Variants in VPS37C observed in about 807,000 individuals in gnomAD.
VPS37C encodes VPS37C subunit of ESCRT-I, also known as vacuolar protein sorting-associated protein 37C.
VPS37C carries 9 observed loss-of-function variants against 16.1 expected under a neutral mutation model. The ratio of observed to expected loss-of-function variants is 0.56; its 90% CI spans 0.34 to 0.97. The LOEUF is 0.97. Among genes scored for constraint, VPS37C ranks in the 50% least tolerant of loss-of-function variants. VPS37C has a pLI of 0.02. For synonymous variants in VPS37C, 207 were observed against 206.4 expected (o/e 1.00, Z -0.02); for missense variants, 479 against 472.7 (o/e 1.01, Z -0.12).
At chr11:61,138,182 C>A in intron 2 of VPS37C, 1 of 153,134 alleles carries the variant, frequency 6.5e-6, no homozygotes. Context: ...TCACAGGGGA[C>A]ATCCCAGGGT....
In VPS37C at chr11:61,151,883, C is replaced by T. The variant is rs545662451; in HGVS notation, c.-7+9508G>A. Among the ~76,000 whole-genome samples, 13 of 152,296 alleles carry T rather than the reference C, an allele frequency of 8.5e-5. No individual in the cohort carries two copies. The South Asian group carries it at 2.5e-3, about 29-fold the overall frequency. ...TTTCTGACAGTAAAGCCAAGCCACT[C>T]GGCAAGGCCTCTTCTTTCTTTGGCC... On this transcript the variant is annotated intron_variant, in intron 1 of 4. Coordinates refer to ENST00000301765, the MANE Select transcript of VPS37C (RefSeq NM_017966.5).
In VPS37C at chr11:61,142,898, T is replaced by C. The variant is rs1248162679; in HGVS notation, c.-6-4063A>G. On this transcript the variant is annotated intron_variant, in intron 1 of 4. Coordinates refer to ENST00000301765, the MANE Select transcript of VPS37C (RefSeq NM_017966.5). ...GCAGCGCACCAGCATGGCACATGTA[T>C]ACATATGTAACTAACCTGCACAATG... is the stretch of plus-strand genomic sequence containing the variant. Among the ~76,000 whole-genome samples, 7 of 131,536 alleles carry C rather than the reference T, an allele frequency of 5.3e-5. No homozygotes were observed. In the East Asian group the frequency reaches 9.2e-4, roughly 17 times the overall value. The allele number at this position is 131,536 out of a possible 152,430, so 86.3% of individuals were successfully genotyped here.
At position 61,130,635 on chromosome 11, in the gene VPS37C, C is replaced by G. The variant is rs1271000149; in HGVS notation, c.*1185G>C. On this transcript the variant is annotated 3_prime_UTR_variant, in exon 5 of 5. Coordinates refer to ENST00000301765, the MANE Select transcript of VPS37C (RefSeq NM_017966.5). ...AACCAAGTTAACACTCATCACACCC[C>G]CTTTGTCTATTGTATTCATTCTTAT... The G allele has an allele frequency of 1.0e-5, 3 of 295,966 alleles. No homozygotes were observed. Among genetic ancestry groups the G allele is most frequent in the Non-Finnish European group, 1.9e-5 (3 of 156,860 alleles). 18.3% of individuals were successfully genotyped at this position (295,966 alleles called of 1,614,324 possible).
At position 61,147,532 on chromosome 11, in the gene VPS37C, G is replaced by A. The variant is rs373686875; in HGVS notation, c.-6-8697C>T. Among the ~76,000 whole-genome samples the A allele has an allele frequency of 2.6e-5, 4 of 152,216 alleles. No homozygotes were observed. The East Asian group carries it at 7.7e-4, about 29-fold the overall frequency. On this transcript the variant is annotated intron_variant, in intron 1 of 4. Transcript: ENST00000301765. The stretch of plus-strand genomic sequence containing the variant: ...CCACAGAACTTCCTAGCAGACCGGG[G>A]TGGAAGGGGAACTCTGGGGAGGGTT...
Position 61,131,763 on chromosome 11 carries a change from T to C in VPS37C, c.*57A>G, listed in dbSNP as rs1205051543. 5 of 1,237,718 alleles carry C rather than the reference T, an allele frequency of 4.0e-6. No individual in the cohort carries two copies. The highest frequency in any genetic ancestry group is 8.3e-5 in the Admixed American group (2 of 24,040). The allele number at this position is 1,237,718 out of a possible 1,614,324, so 76.7% of individuals were successfully genotyped here. A position where few individuals can be genotyped will look rare whatever the true frequency, so the allele number is the denominator to read the frequency against. On this transcript the variant is annotated 3_prime_UTR_variant, in exon 5 of 5. Coordinates refer to ENST00000301765, the MANE Select transcript of VPS37C (RefSeq NM_017966.5). ...TTGACCCTCGAATCTCGGCGATGGC[T>C]GGGCCAAAGGTTGAGCGTGGGTGGG...
chr11:61,149,964 C>G (rs954993667), intron 1 of VPS37C, among the ~76,000 whole-genome samples: 1 of 152,130 alleles, frequency 6.6e-6, no homozygotes, highest in East Asian at 1.9e-4. Context: ...TATCAGCACG[C>G]GGCAGGCTGC....
chr11:61,134,276 AG>A, intron 2 of VPS37C, 69 bp from the exon 3 acceptor site: 1 of 1,540,582 alleles, frequency 6.5e-7, no homozygotes. Context: ...AGCCTGGGTC[AG>A]GGGCTTCGGG....
At position 61,131,612 on chromosome 11, in the gene VPS37C, T is replaced by C; in HGVS notation, c.*208A>G. ...GCAGCCAGGCACTGAAAGGAGGGGC[T>C]TCCAGGAGGACCTCTGGCCAGAAGG... On this transcript the variant is annotated 3_prime_UTR_variant, in exon 5 of 5. Transcript: ENST00000301765. 3 of 652,808 alleles carry C rather than the reference T, an allele frequency of 4.6e-6. No individual in the cohort carries two copies. The highest frequency in any genetic ancestry group is 6.5e-6 in the Non-Finnish European group (3 of 459,552). 40.4% of individuals were successfully genotyped at this position (652,808 alleles called of 1,614,324 possible).
In VPS37C at chr11:61,131,738, T is replaced by C. The variant is rs553011395; in HGVS notation, c.*82A>G. On this transcript the variant is annotated 3_prime_UTR_variant, in exon 5 of 5. Coordinates refer to ENST00000301765, the MANE Select transcript of VPS37C (RefSeq NM_017966.5). ...CAGGGAGCACCAACGCCACTTCCAGTTGACCCTCGAATCTCGGCGATGGCT... is the reference window on the plus strand; with the variant it reads ...CAGGGAGCACCAACGCCACTTCCAGCTGACCCTCGAATCTCGGCGATGGCT... 4.1e-6 allele frequency: 5 copies of C among 1,233,268 alleles called. No individual in the cohort carries two copies. The African/African-American group carries it at 4.7e-5, about 11-fold the overall frequency. The allele number at this position is 1,233,268 out of a possible 1,614,324, so 76.4% of individuals were successfully genotyped here. A position where few individuals can be genotyped will look rare whatever the true frequency, so the allele number is the denominator to read the frequency against.
intron 1 of VPS37C, among the ~76,000 whole-genome samples, chr11:61,146,013 C>T (rs906745419): frequency 2.6e-5 from 4 of 152,240 alleles, no homozygotes; most frequent in Non-Finnish European, 5.9e-5. Flanking sequence ...CCCTTGAAGA[C>T]AAGGAGAATG....
chr11:61,160,473 C>G (rs1348561601), intron 1 of VPS37C, among the ~76,000 whole-genome samples: 2 of 152,146 alleles, frequency 1.3e-5, no homozygotes, highest in Non-Finnish European at 2.9e-5. Context: ...AAATGGGACT[C>G]CTGGAGCCAA....
chr11:61,142,225 TA>T (rs1377652454), intron 1 of VPS37C, among the ~76,000 whole-genome samples: 2 of 152,194 alleles, frequency 1.3e-5, no homozygotes, highest in Non-Finnish European at 2.9e-5. Context: ...TGTTAGAAAT[TA>T]AAAGTGGAAG....
intron 3 of VPS37C, among the ~76,000 whole-genome samples, 172 bp downstream of exon 3, chr11:61,133,864 A>C (rs529730018): frequency 6.6e-6 from 1 of 152,338 alleles, no homozygotes; most frequent in South Asian, 2.1e-4. Flanking sequence ...AAGTTATTGA[A>C]TCTCTCTGAG....
At chr11:61,146,128 C>T (rs616346) in intron 1 of VPS37C, among the ~76,000 whole-genome samples, 112,693 of 152,208 alleles carry the variant, frequency 0.74, 43,171 homozygotes, top group East Asian at 1. Flanking sequence ...GAACAAGTCA[C>T]TGAAGACGTG....
intron 1 of VPS37C, among the ~76,000 whole-genome samples, chr11:61,148,379 A>G (rs941834364): frequency 2.6e-5 from 4 of 152,294 alleles, no homozygotes; most frequent in Admixed American, 1.3e-4. Context: ...GCAAAGTCCA[A>G]CCTGCACATG....
rs138338502 is a variant in VPS37C, at chr11:61,138,599, G to A, written c.93+138C>T. On this transcript the variant is annotated intron_variant, in intron 2 of 4. Coordinates refer to ENST00000301765, the MANE Select transcript of VPS37C (RefSeq NM_017966.5). ...TCTGAAGCCTCAGGGATTCCTCTGA[G>A]TCCAAACCAGGATGAAGTTCACAGA... 5.4e-5 allele frequency: 41 copies of A among 765,180 alleles called. No homozygotes were observed. The African/African-American group carries it at 6.8e-4, about 13-fold the overall frequency. The allele number at this position is 765,180 out of a possible 1,614,324, so 47.4% of individuals were successfully genotyped here. A position where few individuals can be genotyped will look rare whatever the true frequency, so the allele number is the denominator to read the frequency against.
chr11:61,144,537 C>CT (rs1323464946), intron 1 of VPS37C: 1 of 152,272 alleles, frequency 6.6e-6, no homozygotes, highest in Non-Finnish European at 1.5e-5. Flanking sequence ...AGGCTTGGCT[C>CT]TGTGTGGGCA....
intron 1 of VPS37C, among the ~76,000 whole-genome samples, chr11:61,158,814 A>C (rs1375037942): frequency 6.6e-6 from 1 of 152,250 alleles, no homozygotes; most frequent in African/African-American, 2.4e-5. Context: ...CACATAAACC[A>C]GTAAAGGAAG....
At position 61,132,004 on chromosome 11, in the gene VPS37C, C is replaced by T. The variant is rs143509679; in HGVS notation, c.884G>A (p.Gly295Asp). 2.7e-3 allele frequency: 3,753 copies of T among 1,369,568 alleles called. 11 individuals are homozygous for T. Among genetic ancestry groups the T allele is most frequent in the Non-Finnish European group, 3.2e-3 (3,348 of 1,057,288 alleles). 84.8% of individuals were successfully genotyped at this position (1,369,568 alleles called of 1,614,324 possible). The change falls in exon 5 of 5, where the codon GGT (glycine) becomes GAT (aspartate). Residue 295 changes from glycine (G) to aspartate (D), a missense_variant. Transcript: ENST00000301765. The part of the protein sequence containing the change: ...PLRGGRAPSP[G>D]YPQQSPYPAT... The stretch of plus-strand genomic sequence containing the variant: ...GGGGTATGGGGACTGTTGAGGATAA[C>T]CAGGACTGGGGGCCCTGCCTCCCCG...
Sources: gnomAD v4.1 joint callset for allele counts (sites outside exome capture counted in the v4.1 genomes callset) on GRCh38, gnomAD v4.1.1 for gene constraint, MANE v1.5 for transcripts, NCBI Gene and HGNC (gene_info 2026-07-23, HGNC 2026-07-21) for gene names.